ASPHD1: variants seen among roughly 807,000 people sequenced by gnomAD.
ASPHD1 encodes the protein aspartate beta-hydroxylase domain containing 1, also known as aspartate beta-hydroxylase domain-containing protein 1.
ASPHD1 carries 20 observed loss-of-function variants against 28.3 expected under a neutral mutation model. That is an observed-to-expected ratio of 0.71 (90% CI 0.50 to 1.03). ASPHD1 has a LOEUF of 1.03. Among genes scored for constraint, ASPHD1 ranks in the 50% least tolerant of loss-of-function variants. The probability of loss-of-function intolerance (pLI) is 0.00; values close to 1 mark genes in which losing one functional copy is unlikely to be tolerated. For synonymous variants in ASPHD1, 240 were observed against 221.2 expected (o/e 1.08, Z -0.75); for missense variants, 479 against 524.1 (o/e 0.91, Z 0.84).
chr16:29,906,993 C>A, downstream of ASPHD1: 1 of 1,614,178 alleles, frequency 6.2e-7, no homozygotes, highest in Non-Finnish European at 8.5e-7. Context: ...GCCAGCCCCA[C>A]CAGCTCCAGC....
chr16:29,900,650 G>A lies in ASPHD1; in HGVS notation c.-322G>A, dbSNP rs940851747. 4.7e-6 allele frequency: 2 copies of A among 429,794 alleles called. No homozygotes were observed. Among genetic ancestry groups the A allele is most frequent in the South Asian group, 5.1e-5 (2 of 39,052 alleles). The allele number at this position is 429,794 out of a possible 1,614,324, so 26.6% of individuals were successfully genotyped here. ...CGCAGGGTCGGGGCTAGTGAGGAGC[G>A]AGGGCAAGGAGAGAGCAGTGAGGCC... On this transcript the variant is annotated 5_prime_UTR_variant, in exon 1 of 3. Transcript: ENST00000308748.
In ASPHD1 at chr16:29,901,971, C is replaced by G. The variant is rs1419145885; in HGVS notation, c.949+51C>G. ...CCTCCTTGCCTCGATGATTTCCCCC[C>G]CAGACCCTTCTCTCCGCCAGAGCCG... is the stretch of plus-strand genomic sequence containing the variant. On this transcript the variant is annotated intron_variant, in intron 1 of 2. Coordinates refer to ENST00000308748, the MANE Select transcript of ASPHD1 (RefSeq NM_181718.4). This position sits in a 1 kb window ranked among gnomAD's most constrained non-coding sequence, Gnocchi z 5.1. The G allele has an allele frequency of 7.3e-7, 1 of 1,362,730 alleles. No individual in the cohort carries two copies. Among genetic ancestry groups the G allele is most frequent in the Non-Finnish European group, 9.6e-7 (1 of 1,041,896 alleles). 84.4% of individuals were successfully genotyped at this position (1,362,730 alleles called of 1,614,324 possible). A position where few individuals can be genotyped will look rare whatever the true frequency, so the allele number is the denominator to read the frequency against.
chr16:29,901,170 A>C lies in ASPHD1; in HGVS notation c.199A>C (p.Ile67Leu). 1 of 1,612,588 alleles carries C rather than the reference A, an allele frequency of 6.2e-7. No individual in the cohort carries two copies. Among genetic ancestry groups the C allele is most frequent in the Non-Finnish European group, 8.5e-7 (1 of 1,179,314 alleles). Residue 67 changes from isoleucine (I) to leucine (L), a missense_variant, in exon 1 of 3, where the codon ATC becomes CTC. Transcript: ENST00000308748. The surrounding 1 kb of genome is among the most constrained non-coding windows in gnomAD (Gnocchi z 5.1). ...APGLLARASL[I>L]MLPWPLPLAS... ...AGGCCTCTTGGCCAGGGCCTCCCTG[A>C]TCATGCTCCCGTGGCCACTACCCCT...
chr16:29,911,184 G>A, intron 3 of ASPHD1: 1 of 1,612,352 alleles, frequency 6.2e-7, no homozygotes, highest in African/African-American at 1.3e-5. Context: ...CTGGGGACCA[G>A]GGGACCAGGA....
downstream of ASPHD1, chr16:29,907,234 G>T (rs536963691): frequency 3.4e-4 from 218 of 637,296 alleles, 1 homozygote; most frequent in African/African-American, 3.7e-3. Context: ...GCCTGGCCTG[G>T]CCTCTCTGCC....
At chr16:29,912,170 C>T (rs921392075) in intron 3 of ASPHD1, 2 of 706,268 alleles carry the variant, frequency 2.8e-6, no homozygotes. Context: ...CAGGGCTCTG[C>T]AGGCTCCAAG....
chr16:29,905,845 T>G lies in ASPHD1; in HGVS notation c.1121T>G (p.Val374Gly). The change falls in exon 3 of 3, where the codon GTG (valine) becomes GGG (glycine). Residue 374 changes from valine to glycine, a missense_variant. By Grantham distance (109) the Val-to-Gly change is moderately radical. Coordinates refer to ENST00000308748, the MANE Select transcript of ASPHD1 (RefSeq NM_181718.4). ...ATCGTGGACCTCTGGCACCCCAACG[T>G]GGCAGGGGCTGAGCGCCAGGCCCTC... is the stretch of plus-strand genomic sequence containing the variant. ...VFIVDLWHPNVAGAERQALDF... is the reference protein window; with the variant it reads ...VFIVDLWHPNGAGAERQALDF... 6.2e-7 allele frequency: 1 copy of G among 1,613,742 alleles called. No individual in the cohort carries two copies.
intron 3 of ASPHD1, chr16:29,911,076 C>A (rs1465079289): frequency 1.2e-6 from 2 of 1,614,176 alleles, no homozygotes; most frequent in Non-Finnish European, 8.5e-7. Context: ...CAGATCTCGT[C>A]CCCCAGGACA....
At chr16:29,903,246 C>T (rs901371904) in intron 1 of ASPHD1, among the ~76,000 whole-genome samples, 2 of 151,938 alleles carry the variant, frequency 1.3e-5, no homozygotes, top group African/African-American at 4.8e-5. Flanking sequence ...ATCCCAGCTA[C>T]TCGGGAGGCC....
chr16:29,908,759 GT>G (rs1254167629), downstream of ASPHD1, among the ~76,000 whole-genome samples: 1 of 151,008 alleles, frequency 6.6e-6, no homozygotes, highest in Non-Finnish European at 1.5e-5. Flanking sequence ...CTGGAGTGCA[GT>G]GGTGTGATCA....
downstream of ASPHD1, among the ~76,000 whole-genome samples, chr16:29,910,235 T>G (rs1567440121): frequency 6.7e-6 from 1 of 150,136 alleles, no homozygotes; most frequent in Non-Finnish European, 1.5e-5. Context: ...CCGTTTCTAC[T>G]AAAAATACAA....
chr16:29,906,711 G>A (rs1040673164), downstream of ASPHD1: 21 of 685,540 alleles, frequency 3.1e-5, 1 homozygote, highest in Non-Finnish European at 5.3e-5. Flanking sequence ...ATGGGGTTGG[G>A]ATGGGTGGAG....
At position 29,901,844 on chromosome 16, in the gene ASPHD1, CT is replaced by C; in HGVS notation, c.877del (p.Ser293ProfsTer26). On this transcript the variant is annotated frameshift_variant, in exon 1 of 3. Transcript: ENST00000308748. LOFTEE classifies it high-confidence loss of function. The surrounding 1 kb of genome is among the most constrained non-coding windows in gnomAD (Gnocchi z 5.1). The stretch of plus-strand genomic sequence containing the variant: ...GTGCCAACACCTTCGGCAATGCCGG[CT>C]TTTCCGTTCTCCTGCCTGGGGCCCG... The part of the protein sequence containing the change: ...MSANTFGNAG[F>X]SVLLPGARLE... The C allele has an allele frequency of 2.6e-6, 4 of 1,545,034 alleles. No homozygotes were observed. The South Asian group carries it at 3.7e-5, about 14-fold the overall frequency.
intron 3 of ASPHD1, among the ~76,000 whole-genome samples, chr16:29,915,721 C>T (rs549251927): frequency 1.3e-5 from 2 of 152,194 alleles, no homozygotes; most frequent in Non-Finnish European, 2.9e-5. Flanking sequence ...TTCTCAGAAG[C>T]GTGATTATTA....
At chr16:29,918,824 A>T (rs2068857755) in intron 3 of ASPHD1, among the ~76,000 whole-genome samples, 1 of 151,912 alleles carries the variant, frequency 6.6e-6, no homozygotes, top group Non-Finnish European at 1.5e-5. Context: ...GGCCTGGCTA[A>T]TTTTTTTGTA....
At position 29,905,895 on chromosome 16, in the gene ASPHD1, T is replaced by G. The variant is rs771158687; in HGVS notation, c.1171T>G (p.Ter391GlyextTer20). 6.2e-7 allele frequency: 1 copy of G among 1,610,514 alleles called. No homozygotes were observed. Among genetic ancestry groups the G allele is most frequent in the Non-Finnish European group, 8.5e-7 (1 of 1,177,652 alleles). ...CGACTTTGTCTTCGCCCCAGACCCT[T>G]GAAGGAAGGTGCTCCCTTCACACAC... ...ALDFVFAPDP[*>G] Residue 391 changes from the stop codon to glycine, a stop_lost, in exon 3 of 3, where the codon TGA (stop) becomes GGA (glycine). Transcript: ENST00000308748.
Position 29,904,977 on chromosome 16 carries a change from C to CT in ASPHD1, c.1063+12_1063+13insT. The CT allele has an allele frequency of 6.3e-7, 1 of 1,595,502 alleles. No individual in the cohort carries two copies. Among genetic ancestry groups the CT allele is most frequent in the Non-Finnish European group, 8.6e-7 (1 of 1,165,014 alleles). ...AGTGGCTCACAATGGTAACGGGGTG[C>CT]CCATTCTGCAGGGGGGATGAGGGAC... On this transcript the variant is annotated intron_variant, in intron 2 of 2. Transcript: ENST00000308748.
At chr16:29,907,165 T>A, downstream of ASPHD1, 1 of 1,259,502 alleles carries the variant, frequency 7.9e-7, no homozygotes, top group South Asian at 1.3e-5. Context: ...CGCAGGGCCA[T>A]CCCCCTGCCT....
chr16:29,910,566 C>A (rs1342042618), downstream of ASPHD1, among the ~76,000 whole-genome samples: 2 of 151,986 alleles, frequency 1.3e-5, no homozygotes, highest in Non-Finnish European at 2.9e-5. Flanking sequence ...ACGATGTTGC[C>A]CAGGCTGGTC....
Sources: gnomAD v4.1 joint callset for allele counts (sites outside exome capture counted in the v4.1 genomes callset) on GRCh38, gnomAD v4.1.1 for gene constraint, Gnocchi (gnomAD v3.1) non-coding constraint, MANE v1.5 for transcripts, NCBI Gene and HGNC (gene_info 2026-07-23, HGNC 2026-07-21) for gene names.